The following RNF111 variants were observed in gnomAD, a reference collection of about 807,000 sequenced individuals.
RNF111 encodes ring finger protein 111.
A neutral mutation model predicts 95.1 loss-of-function variants in RNF111; 17 were observed. That is an observed-to-expected ratio of 0.18 (90% CI 0.12 to 0.27). RNF111 has a LOEUF of 0.27. Ranked by LOEUF, RNF111 falls within the 10% of genes least tolerant of loss-of-function variation. The probability of loss-of-function intolerance (pLI) is 1.00; values close to 1 mark genes in which losing one functional copy is unlikely to be tolerated. For missense variants in RNF111, 1,189 were observed against 1,210.4 expected, an observed-to-expected ratio of 0.98 and a Z score of 0.26; for synonymous variants, 440 against 414.8, an observed-to-expected ratio of 1.06 and a Z score of -0.74.
At chr15:59,012,178 C>T (rs190359253) in intron 1 of RNF111, among the ~76,000 whole-genome samples, 64 of 151,770 alleles carry the variant, frequency 4.2e-4, no homozygotes, top group Admixed American at 1.4e-3. Context: ...ATCTCCACAC[C>T]CGGCTGATTT....
intron 12 of RNF111, among the ~76,000 whole-genome samples, chr15:59,091,859 A>C (rs1308778981): frequency 6.6e-6 from 1 of 152,122 alleles, no homozygotes; most frequent in Non-Finnish European, 1.5e-5. Context: ...GGAGCATGCA[A>C]CCTAGATCCC....
At chr15:59,001,291 G>T (rs551197109) in intron 1 of RNF111, among the ~76,000 whole-genome samples, 5 of 152,250 alleles carry the variant, frequency 3.3e-5, no homozygotes, top group African/African-American at 1.2e-4. Context: ...TCAGTTATAT[G>T]AAATATTTAC....
At chr15:58,989,537 C>T (rs143843255) in intron 1 of RNF111, among the ~76,000 whole-genome samples, 241 of 152,292 alleles carry the variant, frequency 1.6e-3, no homozygotes, top group African/African-American at 5.5e-3. Context: ...ATCCTTCTGT[C>T]ACTTCTTAAC....
chr15:59,052,507 G>T (rs2042031014), intron 3 of RNF111, 76 bp downstream of exon 3: 14 of 1,061,962 alleles, frequency 1.3e-5, no homozygotes, highest in Non-Finnish European at 1.7e-5. Flanking sequence ...GCAGATATTT[G>T]CATTCTTTTT....
At chr15:58,989,925 T>C (rs1430480551) in intron 1 of RNF111, among the ~76,000 whole-genome samples, 2 of 152,194 alleles carry the variant, frequency 1.3e-5, no homozygotes, top group Non-Finnish European at 2.9e-5. Flanking sequence ...ATGCTTTACT[T>C]GAGGCATACT....
intron 6 of RNF111, among the ~76,000 whole-genome samples, chr15:59,074,599 C>G (rs2043087798): frequency 6.6e-6 from 1 of 152,222 alleles, no homozygotes; most frequent in African/African-American, 2.4e-5. Flanking sequence ...GGGCCTTGCT[C>G]TGGCTTAGGC....
intron 1 of RNF111, among the ~76,000 whole-genome samples, chr15:59,010,660 C>A (rs984844027): frequency 6.6e-6 from 1 of 152,102 alleles, no homozygotes; most frequent in Non-Finnish European, 1.5e-5. Context: ...CTTTGGCCTC[C>A]CAGAGTGTTG....
chr15:59,053,677 A>G (rs1402834940), intron 3 of RNF111, among the ~76,000 whole-genome samples: 2 of 152,172 alleles, frequency 1.3e-5, no homozygotes, highest in South Asian at 2.1e-4. Flanking sequence ...CTGACCGTGC[A>G]TAGTGCTTGG....
At chr15:59,044,205 A>G (rs958406970) in intron 2 of RNF111, among the ~76,000 whole-genome samples, 1 of 152,082 alleles carries the variant, frequency 6.6e-6, no homozygotes, top group Non-Finnish European at 1.5e-5. Flanking sequence ...TCATTTTTGT[A>G]TTATTAATAG....
chr15:59,058,578 C>A, intron 5 of RNF111, 28 bp downstream of exon 5: 1 of 1,588,070 alleles, frequency 6.3e-7, no homozygotes, highest in Non-Finnish European at 8.6e-7. Flanking sequence ...GGAGGGGAGA[C>A]TTTTTGTCAT....
Position 59,066,786 on chromosome 15 carries a change from T to C in RNF111, c.1389T>C (p.Ser463=). Residue 463 remains serine, a synonymous_variant, in exon 6 of 14, where the codon TCT becomes TCC. Transcript: ENST00000348370. ...AAGATGACTCAAGGAGAACTACATCTAGTGCTGTAACGGAAACTGGCCCTC... is the reference window on the plus strand; with the variant it reads ...AAGATGACTCAAGGAGAACTACATCCAGTGCTGTAACGGAAACTGGCCCTC... ...SIGDDSRRTT[S]SAVTETGPPA... is the part of the protein sequence containing the mutation. 6.2e-7 allele frequency: 1 copy of C among 1,613,896 alleles called. No homozygotes were observed. The highest frequency in any genetic ancestry group is 8.5e-7 in the Non-Finnish European group (1 of 1,179,854).
Position 59,095,106 on chromosome 15 carries a change from T to G in RNF111, c.*206T>G. 1 of 467,494 alleles carries G rather than the reference T, an allele frequency of 2.1e-6. No individual in the cohort carries two copies. The highest frequency in any genetic ancestry group is 3.8e-6 in the Non-Finnish European group (1 of 264,684). The allele number at this position is 467,494 out of a possible 1,614,324, so 29.0% of individuals were successfully genotyped here. On this transcript the variant is annotated 3_prime_UTR_variant, in exon 14 of 14. Coordinates refer to ENST00000348370, the MANE Select transcript of RNF111 (RefSeq NM_017610.8). ...ATTTATAAAAGCTTTTTTTTCTAGA[T>G]TTGACATTTTTCTGTATCATTTTAC...
chr15:59,055,676 T>A lies in RNF111; in HGVS notation c.1008-6T>A, dbSNP rs2042173420. 1 of 1,595,804 alleles carries A rather than the reference T, an allele frequency of 6.3e-7. No individual in the cohort carries two copies. Among genetic ancestry groups the A allele is most frequent in the African/African-American group, 1.3e-5 (1 of 74,260 alleles). ...ATTTACTAACTTAATATTGATGTCA[T>A]TTAAGGTCTCGTTCAACCCTTGGAC... is the stretch of plus-strand genomic sequence containing the variant. On this transcript the variant is annotated splice_region_variant and splice_polypyrimidine_tract_variant and intron_variant, in intron 3 of 13. Transcript: ENST00000348370.
chr15:59,018,445 A>T (rs1477238319), intron 1 of RNF111, among the ~76,000 whole-genome samples: 2 of 152,188 alleles, frequency 1.3e-5, no homozygotes, highest in African/African-American at 4.8e-5. Flanking sequence ...TCTGTTGTCA[A>T]CAAAGTTGTG....
At chr15:59,004,050 C>A in intron 1 of RNF111, 1 of 500,752 alleles carries the variant, frequency 2.0e-6, no homozygotes, top group South Asian at 4.0e-5. Context: ...GTTTATCCTC[C>A]TTGCCGTAGC....
rs776329957 is a variant in RNF111, at chr15:59,013,256, C to T, written c.-19-17548C>T. 3.3e-5 allele frequency among the ~76,000 whole-genome samples: 5 copies of T among 152,158 alleles called. No individual in the cohort carries two copies. In the South Asian group the frequency reaches 6.2e-4, roughly 19 times the overall value. ...AATAGTACACAGAGTTCCCATATATCGCTCACTCAGTTACCCTTGTTGTTA... is the reference window on the plus strand; with the variant it reads ...AATAGTACACAGAGTTCCCATATATTGCTCACTCAGTTACCCTTGTTGTTA... On this transcript the variant is annotated intron_variant, in intron 1 of 13. Coordinates refer to ENST00000348370, the MANE Select transcript of RNF111 (RefSeq NM_017610.8).
chr15:59,067,180 GTCTC>G, intron 6 of RNF111, 97 bp downstream of exon 6: 1 of 1,033,026 alleles, frequency 9.7e-7, no homozygotes, highest in Non-Finnish European at 1.4e-6. Flanking sequence ...CTTCATTCCT[GTCTC>G]TCTCCCTCCC....
At chr15:59,028,554 A>T (rs1215870147) in intron 1 of RNF111, among the ~76,000 whole-genome samples, 4 of 152,202 alleles carry the variant, frequency 2.6e-5, no homozygotes, top group African/African-American at 9.7e-5. Flanking sequence ...TGGAAAGTTA[A>T]ACTGGATAGT....
At chr15:58,990,376 T>C (rs774343564) in intron 1 of RNF111, among the ~76,000 whole-genome samples, 2 of 152,184 alleles carry the variant, frequency 1.3e-5, no homozygotes, top group African/African-American at 2.4e-5. Flanking sequence ...CATGAAGCTG[T>C]GGGCCAGGCG....
Sources: allele counts gnomAD v4.1 joint callset (sites outside exome capture counted in the v4.1 genomes callset), GRCh38; gene constraint gnomAD v4.1.1; transcripts MANE v1.5; gene names NCBI Gene and HGNC (gene_info 2026-07-23, HGNC 2026-07-21).